The following RELT variants were observed in gnomAD, a reference collection of about 807,000 sequenced individuals.
RELT encodes the protein tumor necrosis factor receptor superfamily member 19L.
Under a neutral mutation model 51.1 loss-of-function variants are expected in RELT, and 37 were observed. The observed-to-expected ratio is 0.72, with a 90% confidence interval of 0.56 to 0.95. RELT has a LOEUF of 0.95. RELT is among the 40% of genes least tolerant of loss of function. The pLI, the probability that RELT is intolerant of heterozygous loss-of-function variation, is 0.00. For missense variants in RELT, 535 were observed against 572.6 expected, an observed-to-expected ratio of 0.93 and a Z score of 0.67; for synonymous variants, 241 against 235.7, an observed-to-expected ratio of 1.02 and a Z score of -0.21.
chr11:73,390,687 C>A, intron 3 of RELT, 62 bp downstream of exon 3: 2 of 1,611,006 alleles, frequency 1.2e-6, no homozygotes, highest in Non-Finnish European at 1.7e-6. Flanking sequence ...GGGCAGAGTC[C>A]TGTGCCTGGC....
chr11:73,394,810 C>G lies in RELT; in HGVS notation c.1046+76C>G, dbSNP rs1236994953. 5.3e-6 allele frequency: 8 copies of G among 1,521,930 alleles called. No homozygotes were observed. In the African/African-American group the frequency reaches 1.1e-4, roughly 21 times the overall value. 94.3% of individuals were successfully genotyped at this position (1,521,930 alleles called of 1,614,324 possible). On this transcript the variant is annotated intron_variant, in intron 9 of 10. Transcript: ENST00000064780. This position sits in a 1 kb window ranked among gnomAD's most constrained non-coding sequence, Gnocchi z 4.9. ...GGGCCGGGAGGGGGAGGCAGGGCCC[C>G]AGCTTGGGCCCTGAGCACCCTGCTC...
rs556435242 is a variant in RELT, at chr11:73,395,173, G to C, written c.1133G>C (p.Gly378Ala). The change falls in exon 10 of 11, where the codon GGT becomes GCT. Residue 378 changes from glycine to alanine, a missense_variant. Gly to Ala is a moderately conservative substitution (Grantham distance 60). Transcript: ENST00000064780. ...KTITEAGPSW[G>A]DLPDSPQPGL... ...ATCACGGAGGCTGGGCCCTCGTGGG[G>C]TGATCTCCCTGACTCCCCACAGCCT... 3 of 1,613,446 alleles carry C rather than the reference G, an allele frequency of 1.9e-6. No homozygotes were observed. The highest frequency in any genetic ancestry group is 1.3e-5 in the African/African-American group (1 of 75,040).
intron 2 of RELT, 88 bp downstream of exon 2, chr11:73,389,269 A>G: frequency 1.1e-6 from 1 of 939,050 alleles, no homozygotes. Context: ...ACTCCCGGGG[A>G]ACCCCCTGCT....
Position 73,395,549 on chromosome 11 carries a change from T to G in RELT, c.*58T>G. On this transcript the variant is annotated 3_prime_UTR_variant, in exon 11 of 11. Transcript: ENST00000064780. ...GCCCTGGGAGGTTCCGAAGGCTTCC[T>G]GGAGGAGGTGGAGCTGCAGCTGGGA... 1.3e-6 allele frequency: 1 copy of G among 779,910 alleles called. No homozygotes were observed. Among genetic ancestry groups the G allele is most frequent in the Non-Finnish European group, 2.4e-6 (1 of 417,778 alleles). The allele number at this position is 779,910 out of a possible 1,614,324, so 48.3% of individuals were successfully genotyped here.
chr11:73,390,911 T>C lies in RELT; in HGVS notation c.277T>C (p.Cys93Arg). 6.2e-7 allele frequency: 1 copy of C among 1,612,730 alleles called. No homozygotes were observed. Among genetic ancestry groups the C allele is most frequent in the South Asian group, 1.1e-5 (1 of 90,926 alleles). ...AACTCGAGATACACTCTGTGGAGAC[T>C]GCTGGCCTGGGTAAGCCAAAGGGAG... The part of the protein sequence containing the change: ...MATRDTLCGD[C>R]WPGWFGPWGV... The change falls in exon 4 of 11, where the codon TGC (cysteine) becomes CGC (arginine). Residue 93 changes from cysteine (C) to arginine (R), a missense_variant. By Grantham distance (180) the Cys-to-Arg change is radical. Transcript: ENST00000064780.
Position 73,394,081 on chromosome 11 carries a change from C to A in RELT, c.707-155C>A. ...CTGACCCAGGAGTGCACACCTCTGC[C>A]TCCCATTCTTGCCTGATGAAGTGGG... On this transcript the variant is annotated intron_variant, in intron 7 of 10. Transcript: ENST00000064780. This position sits in a 1 kb window ranked among gnomAD's most constrained non-coding sequence, Gnocchi z 4.9. 1 of 945,602 alleles carries A rather than the reference C, an allele frequency of 1.1e-6. No homozygotes were observed. Among genetic ancestry groups the A allele is most frequent in the South Asian group, 1.5e-5 (1 of 68,514 alleles). 58.6% of individuals were successfully genotyped at this position (945,602 alleles called of 1,614,324 possible).
At chr11:73,391,574 G>A (rs886086093) in intron 5 of RELT, among the ~76,000 whole-genome samples, 3 of 152,188 alleles carry the variant, frequency 2.0e-5, no homozygotes, top group African/African-American at 7.2e-5. Context: ...GGGAGGCCAA[G>A]GCAGGAGGAT....
chr11:73,377,610 C>G (rs1000895035), intron 1 of RELT, among the ~76,000 whole-genome samples: 1 of 151,958 alleles, frequency 6.6e-6, no homozygotes, highest in African/African-American at 2.4e-5. Flanking sequence ...ATCGAAGTCC[C>G]TACACCTGGC....
rs1437911215 is a variant in RELT at position 73,396,900 on chromosome 11, C to T, written c.*1409C>T. On this transcript the variant is annotated 3_prime_UTR_variant, in exon 11 of 11. Coordinates refer to ENST00000064780, the MANE Select transcript of RELT (RefSeq NM_152222.2). ...ATGTGACTTTAAATTTTCTGACAGT[C>T]ACATTTCAAAAAGTAAAAAGAAGCA... is the stretch of plus-strand genomic sequence containing the variant. The T allele has an allele frequency of 6.6e-6, 1 of 152,198 alleles. No homozygotes were observed. The highest frequency in any genetic ancestry group is 2.4e-5 in the African/African-American group (1 of 41,446). The allele number at this position is 152,198 out of a possible 1,614,324, so 9.4% of individuals were successfully genotyped here. A position where few individuals can be genotyped will look rare whatever the true frequency, so the allele number is the denominator to read the frequency against.
chr11:73,394,483 G>A lies in RELT; in HGVS notation c.795G>A (p.Pro265=), dbSNP rs774152236. Residue 265 remains proline, a synonymous_variant, in exon 9 of 11, where the codon CCG becomes CCA. Transcript: ENST00000064780. The surrounding 1 kb of genome is among the most constrained non-coding windows in gnomAD (Gnocchi z 4.9). ...CTGCCTGTGCCCCCTGCAGGCTGCC[G>A]CCAGCGCCCCCGAACGTGCCACACA... is the stretch of plus-strand genomic sequence containing the variant. ...QTSHRPVSKL[P]PAPPNVPHIC... is the part of the protein sequence containing the mutation. 2.7e-5 allele frequency: 43 copies of A among 1,609,296 alleles called. No individual in the cohort carries two copies. The Admixed American group carries it at 4.2e-4, about 16-fold the overall frequency.
At chr11:73,390,219 G>A (rs993819985) in intron 2 of RELT, among the ~76,000 whole-genome samples, 3 of 152,154 alleles carry the variant, frequency 2.0e-5, no homozygotes, top group African/African-American at 7.2e-5. Context: ...GGCAGAATAC[G>A]AGAGAGGATT....
At position 73,395,917 on chromosome 11, in the gene RELT, CCCT is replaced by C. The variant is rs1368141648; in HGVS notation, c.*431_*433del. ...AGGGCCCTAGAGCAGATGTGCGTCC[CCCT>C]CCTCTTCCAGCAGGTCTATAAAGGG... On this transcript the variant is annotated 3_prime_UTR_variant, in exon 11 of 11. Coordinates refer to ENST00000064780, the MANE Select transcript of RELT (RefSeq NM_152222.2). 15 of 193,590 alleles carry C rather than the reference CCCT, an allele frequency of 7.7e-5. No homozygotes were observed. The highest frequency in any genetic ancestry group is 3.2e-4 in the Admixed American group (6 of 18,644). 12.0% of individuals were successfully genotyped at this position (193,590 alleles called of 1,614,324 possible).
chr11:73,391,993 C>T (rs1483420311), intron 5 of RELT: 3 of 611,040 alleles, frequency 4.9e-6, no homozygotes, highest in Non-Finnish European at 5.7e-6. Flanking sequence ...GGTGTCTGGC[C>T]GTCCTGAGGA....
intron 10 of RELT, 24 bp from the exon 11 acceptor site, chr11:73,395,420 T>A: frequency 9.8e-7 from 1 of 1,018,916 alleles, no homozygotes; most frequent in Non-Finnish European, 1.6e-6. Flanking sequence ...GACTCAGCTC[T>A]GACCCCTCAC....
rs759999427 is a variant in RELT at position 73,395,497 on chromosome 11, G to A, written c.*6G>A. The A allele has an allele frequency of 2.2e-5, 17 of 788,080 alleles. No homozygotes were observed. Among genetic ancestry groups the A allele is most frequent in the East Asian group, 4.8e-5 (2 of 41,282 alleles). 48.8% of individuals were successfully genotyped at this position (788,080 alleles called of 1,614,324 possible). A position where few individuals can be genotyped will look rare whatever the true frequency, so the allele number is the denominator to read the frequency against. ...AGAGCAACCTGGTCATCTGAGGGGC[G>A]GTCTAGTCTAAGGACACTGCGGCCC... is the stretch of plus-strand genomic sequence containing the variant. On this transcript the variant is annotated 3_prime_UTR_variant, in exon 11 of 11. Transcript: ENST00000064780.
chr11:73,387,517 G>C (rs930611717), intron 1 of RELT, among the ~76,000 whole-genome samples: 1 of 152,206 alleles, frequency 6.6e-6, no homozygotes, highest in Non-Finnish European at 1.5e-5. Flanking sequence ...CATCTGTTGG[G>C]TGTTGACTGC....
chr11:73,381,187 G>A (rs1349590230), intron 1 of RELT, among the ~76,000 whole-genome samples: 3 of 152,202 alleles, frequency 2.0e-5, no homozygotes, highest in Non-Finnish European at 2.9e-5. Flanking sequence ...AAAGATGAGA[G>A]CTCTATAAAT....
intron 1 of RELT, among the ~76,000 whole-genome samples, chr11:73,386,598 G>A (rs182189481): frequency 3.5e-4 from 54 of 152,324 alleles, no homozygotes; most frequent in African/African-American, 1.2e-3. Context: ...ATGAGAAGGT[G>A]CGTAATTAGA....
intron 1 of RELT, among the ~76,000 whole-genome samples, chr11:73,380,964 C>T (rs532625769): frequency 4.5e-4 from 69 of 152,304 alleles, no homozygotes; most frequent in African/African-American, 1.7e-3. Flanking sequence ...AGAGCCAATG[C>T]TGCATCCCTA....
Sources: gnomAD v4.1 joint callset for allele counts (sites outside exome capture counted in the v4.1 genomes callset) on GRCh38, gnomAD v4.1.1 for gene constraint, Gnocchi (gnomAD v3.1) non-coding constraint, MANE v1.5 for transcripts, NCBI Gene and HGNC (gene_info 2026-07-23, HGNC 2026-07-21) for gene names.